LMLN: variants seen among roughly 807,000 people sequenced by gnomAD.
LMLN encodes the protein leishmanolysin-like peptidase.
In LMLN, 70 loss-of-function variants were observed where a neutral mutation model predicts 92.3. The observed-to-expected ratio is 0.76, with a 90% CI of 0.63 to 0.92. LMLN has a LOEUF of 0.92. Among genes scored for constraint, LMLN ranks in the 40% least tolerant of loss-of-function variants. The pLI, the probability that LMLN is intolerant of heterozygous loss-of-function variation, is 0.00. For synonymous variants in LMLN, 308 were observed against 296.2 expected (o/e 1.04, Z -0.41); for missense variants, 691 against 814.6 (o/e 0.85, Z 1.85).
At chr3:198,008,799 C>T (rs1333520513) in intron 11 of LMLN, among the ~76,000 whole-genome samples, 5 of 152,160 alleles carry the variant, frequency 3.3e-5, no homozygotes, top group African/African-American at 1.2e-4. Context: ...TATTTTGATT[C>T]AGTTCAAAAT....
At chr3:197,961,013 C>T (rs962780814) in intron 1 of LMLN, among the ~76,000 whole-genome samples, 2 of 152,144 alleles carry the variant, frequency 1.3e-5, no homozygotes, top group African/African-American at 4.8e-5. Flanking sequence ...GAAGTGCCTG[C>T]CCGCCTCCCA....
chr3:198,030,410 AT>A (rs1386391951), intron 14 of LMLN, among the ~76,000 whole-genome samples: 18 of 152,230 alleles, frequency 1.2e-4, no homozygotes, highest in Non-Finnish European at 2.4e-4. Flanking sequence ...TCTCCCCAGT[AT>A]TTCGTTTTCT....
chr3:198,033,689 G>C (rs1407684001), intron 14 of LMLN, among the ~76,000 whole-genome samples: 2 of 152,114 alleles, frequency 1.3e-5, no homozygotes, highest in African/African-American at 4.8e-5. Context: ...GGCATGAGCC[G>C]CTGTGCCCGG....
chr3:198,006,155 T>C (rs1255270582), intron 11 of LMLN, among the ~76,000 whole-genome samples: 1 of 152,138 alleles, frequency 6.6e-6, no homozygotes, highest in Non-Finnish European at 1.5e-5. Flanking sequence ...AAATGTTACA[T>C]GAATGAATTC....
At chr3:197,961,281 G>A (rs1006601938) in intron 1 of LMLN, among the ~76,000 whole-genome samples, 1 of 152,166 alleles carries the variant, frequency 6.6e-6, no homozygotes, top group East Asian at 1.9e-4. Context: ...CAGTATTTAG[G>A]TCAGAGGTGG....
At chr3:197,999,564 CCTT>C (rs1381982258) in intron 11 of LMLN, 11 of 525,726 alleles carry the variant, frequency 2.1e-5, no homozygotes, top group African/African-American at 9.6e-5. Context: ...GGGTCTCACT[CCTT>C]CTGCGCAGGC....
At chr3:198,038,758 G>A (rs369637343) in exon 16 of LMLN, 25 of 938,608 alleles carry the variant, frequency 2.7e-5, no homozygotes, top group African/African-American at 1.3e-4. Flanking sequence ...CTATGCAGAT[G>A]GTAGAAGTGG....
chr3:197,980,320 G>T lies in LMLN; in HGVS notation c.550-6G>T, dbSNP rs958734566. The T allele has an allele frequency of 6.2e-7, 1 of 1,611,166 alleles. No homozygotes were observed. The highest frequency in any genetic ancestry group is 1.1e-5 in the South Asian group (1 of 90,952). On this transcript the variant is annotated splice_region_variant and splice_polypyrimidine_tract_variant and intron_variant, in intron 5 of 15. Coordinates refer to ENST00000330198, the Ensembl canonical transcript of LMLN. Reference sequence around the variant, plus strand: ...TCTGGCTTTCTGATGTCTCCCGTGGGTGCAGCAATGCCGGGTCTACCGTGG... The same window carrying T: ...TCTGGCTTTCTGATGTCTCCCGTGGTTGCAGCAATGCCGGGTCTACCGTGG...
rs538551639 is a variant in LMLN, at chr3:197,991,535, C to G, written c.1047+859C>G. On this transcript the variant is annotated intron_variant, in intron 9 of 15. Transcript: ENST00000330198. ...TTGGAGTCCAAAGGCAGAATGACTT[C>G]TTATTCAGGGGAGGTCAGTCTTTGT... Among the ~76,000 whole-genome samples the G allele has an allele frequency of 5.9e-4, 90 of 152,230 alleles. 2 individuals are homozygous for G. In the South Asian group the frequency reaches 0.011, roughly 19 times the overall value.
At chr3:198,002,718 A>G (rs2109904656) in intron 11 of LMLN, among the ~76,000 whole-genome samples, 1 of 152,360 alleles carries the variant, frequency 6.6e-6, no homozygotes, top group African/African-American at 2.4e-5. Context: ...AGCCTGGGTG[A>G]CAGAGCAAGA....
In LMLN at chr3:197,999,135, C is replaced by T. The variant is rs375491133; in HGVS notation, c.1156-131C>T. 28 of 672,538 alleles carry T rather than the reference C, an allele frequency of 4.2e-5. No individual in the cohort carries two copies. In the South Asian group the frequency reaches 5.1e-4, roughly 12 times the overall value. The allele number at this position is 672,538 out of a possible 1,614,324, so 41.7% of individuals were successfully genotyped here. A position where few individuals can be genotyped will look rare whatever the true frequency, so the allele number is the denominator to read the frequency against. On this transcript the variant is annotated intron_variant, in intron 10 of 15. Coordinates refer to ENST00000330198, the Ensembl canonical transcript of LMLN. ...TCATCTTAAAGGTTTATGTATTTCA[C>T]CACTTTTAAGTGAATGTCTTGTCAG...
intron 5 of LMLN, among the ~76,000 whole-genome samples, chr3:197,979,626 G>C (rs1721500962): frequency 6.6e-6 from 1 of 152,162 alleles, no homozygotes; most frequent in African/African-American, 2.4e-5. Context: ...GACCAGCCTG[G>C]CCTATATGGT....
intron 9 of LMLN, 122 bp from the exon 10 acceptor site, chr3:197,996,053 C>A (rs111822110): frequency 2.2e-6 from 1 of 448,926 alleles, no homozygotes. Context: ...AAAAGAAATT[C>A]TCCTTTCTCA....
chr3:198,017,290 C>T (rs542694797), intron 11 of LMLN, among the ~76,000 whole-genome samples: 14 of 152,312 alleles, frequency 9.2e-5, no homozygotes, highest in Non-Finnish European at 1.8e-4. Flanking sequence ...CCCAGTCTGC[C>T]TGTATGTATG....
At chr3:197,964,719 G>C (rs1188483590) in intron 1 of LMLN, among the ~76,000 whole-genome samples, 3 of 151,052 alleles carry the variant, frequency 2.0e-5, no homozygotes, top group African/African-American at 7.3e-5. Context: ...TTAAGAGACA[G>C]GGTCTTGGTC....
At chr3:197,980,607 A>C in intron 6 of LMLN, 103 bp downstream of exon 6, 1 of 1,177,276 alleles carries the variant, frequency 8.5e-7, no homozygotes. Flanking sequence ...CATTTGCCAG[A>C]TTGCCTCTGG....
At chr3:197,990,947 A>G (rs867469466) in intron 9 of LMLN, among the ~76,000 whole-genome samples, 2 of 152,198 alleles carry the variant, frequency 1.3e-5, no homozygotes, top group African/African-American at 4.8e-5. Flanking sequence ...TACTATTTCT[A>G]TAATGACTGA....
intron 9 of LMLN, among the ~76,000 whole-genome samples, chr3:197,993,274 C>T (rs1489711464): frequency 6.6e-6 from 1 of 151,926 alleles, no homozygotes; most frequent in East Asian, 1.9e-4. Context: ...GCAGTCAGGC[C>T]ATAGAAATAA....
chr3:198,012,886 C>T (rs1464649236), intron 11 of LMLN, among the ~76,000 whole-genome samples: 2 of 130,204 alleles, frequency 1.5e-5, no homozygotes, highest in Admixed American at 7.0e-5. Context: ...TCAGAGTCCC[C>T]TAACTAGTCT....
Sources: allele counts gnomAD v4.1 joint callset (sites outside exome capture counted in the v4.1 genomes callset), GRCh38; gene constraint gnomAD v4.1.1; transcripts MANE v1.5; gene names NCBI Gene and HGNC (gene_info 2026-07-23, HGNC 2026-07-21).